The following SIPA1L1 variants were observed in gnomAD, a reference collection of about 807,000 sequenced individuals.
The protein encoded by SIPA1L1 is signal induced proliferation associated 1 like 1.
In SIPA1L1, 26 loss-of-function variants were observed where a neutral mutation model predicts 162.7. The ratio of observed to expected loss-of-function variants is 0.16; its 90% CI spans 0.12 to 0.22. SIPA1L1 has a LOEUF of 0.22. SIPA1L1 is among the 10% of genes least tolerant of loss of function. The pLI is 1.00. For missense variants in SIPA1L1, 1,874 were observed against 2,241.0 expected (o/e 0.84, Z 3.31); for synonymous variants, 829 against 837.4 (o/e 0.99, Z 0.17).
chr14:71,649,266 A>C lies in SIPA1L1; in HGVS notation c.1819-1069A>C, dbSNP rs1027394361. Among the ~76,000 whole-genome samples, 46 of 147,038 alleles carry C rather than the reference A, an allele frequency of 3.1e-4. 1 individual carries two copies. The highest frequency in any genetic ancestry group is 9.9e-4 in the African/African-American group (39 of 39,242). ...GGAGTATGTGGTACAGTCATGACTCACTGCAACATCAATCTCCCGGGCTCA... is the reference window on the plus strand; with the variant it reads ...GGAGTATGTGGTACAGTCATGACTCCCTGCAACATCAATCTCCCGGGCTCA... On this transcript the variant is annotated intron_variant, in intron 7 of 23. Transcript: ENST00000381232.
intron 8 of SIPA1L1, among the ~76,000 whole-genome samples, chr14:71,650,973 C>A (rs951012028): frequency 2.6e-5 from 4 of 151,802 alleles, no homozygotes; most frequent in African/African-American, 9.7e-5. Context: ...GTTTTTGTTT[C>A]TATTATTATT....
chr14:71,704,858 C>G, intron 15 of SIPA1L1: 1 of 958,052 alleles, frequency 1.0e-6, no homozygotes, highest in Admixed American at 1.9e-5. Flanking sequence ...GTAGACCAAG[C>G]TAGGTTAGCC....
intron 2 of SIPA1L1, among the ~76,000 whole-genome samples, chr14:71,323,345 C>T (rs1348079765): frequency 6.6e-6 from 1 of 151,956 alleles, no homozygotes; most frequent in Non-Finnish European, 1.5e-5. Flanking sequence ...TCTGTTTGAG[C>T]TGTGAAATGG....
At chr14:71,378,333 T>C (rs1401174243) in intron 2 of SIPA1L1, among the ~76,000 whole-genome samples, 2 of 152,188 alleles carry the variant, frequency 1.3e-5, no homozygotes, top group African/African-American at 2.4e-5. Context: ...TTATTTTCTT[T>C]TATTAAGCAT....
chr14:71,520,168 C>G (rs566933737), intron 3 of SIPA1L1, among the ~76,000 whole-genome samples: 1 of 151,928 alleles, frequency 6.6e-6, no homozygotes, highest in Admixed American at 6.6e-5. Context: ...TGATGAGGTA[C>G]CAGATATTTA....
At chr14:71,335,195 C>T (rs1660531057) in intron 2 of SIPA1L1, among the ~76,000 whole-genome samples, 1 of 152,088 alleles carries the variant, frequency 6.6e-6, no homozygotes, top group South Asian at 2.1e-4. Context: ...AGCTACTTGG[C>T]AGGCTGAGGT....
intron 7 of SIPA1L1, among the ~76,000 whole-genome samples, chr14:71,647,640 C>T (rs569414932): frequency 1.4e-4 from 21 of 152,108 alleles, no homozygotes; most frequent in Non-Finnish European, 2.5e-4. Context: ...TTTGTTCTCC[C>T]TGGAGGGAGA....
intron 7 of SIPA1L1, among the ~76,000 whole-genome samples, chr14:71,636,357 A>T (rs1439338507): frequency 6.6e-6 from 1 of 152,242 alleles, no homozygotes; most frequent in Non-Finnish European, 1.5e-5. Flanking sequence ...TTTTCTAATC[A>T]AACTGGAATC....
chr14:71,518,914 G>A (rs781214045), intron 3 of SIPA1L1, among the ~76,000 whole-genome samples: 1 of 152,040 alleles, frequency 6.6e-6, no homozygotes, highest in East Asian at 1.9e-4. Flanking sequence ...ACATGGCGGC[G>A]GCAAGAGAAA....
chr14:71,654,275 A>T (rs1327384055), intron 8 of SIPA1L1, among the ~76,000 whole-genome samples: 1 of 152,074 alleles, frequency 6.6e-6, no homozygotes, highest in Non-Finnish European at 1.5e-5. Context: ...TTAATAGGGG[A>T]TTTTTCCTTC....
At chr14:71,689,792 G>A (rs184524776) in intron 13 of SIPA1L1, among the ~76,000 whole-genome samples, 1 of 152,242 alleles carries the variant, frequency 6.6e-6, no homozygotes, top group Admixed American at 6.5e-5. Flanking sequence ...GAAGCTGGAT[G>A]GGGGGCCTTT....
At chr14:71,508,552 A>G (rs1427670729) in intron 2 of SIPA1L1, among the ~76,000 whole-genome samples, 1 of 152,238 alleles carries the variant, frequency 6.6e-6, no homozygotes, top group Non-Finnish European at 1.5e-5. Context: ...AGAACATGGT[A>G]TGTCCACTGG....
intron 5 of SIPA1L1, among the ~76,000 whole-genome samples, chr14:71,603,944 T>G (rs1212542703): frequency 2.1e-5 from 3 of 143,990 alleles, no homozygotes; most frequent in Non-Finnish European, 3.0e-5. Flanking sequence ...TATATATCTA[T>G]ATATATTTAT....
At chr14:71,358,654 C>G (rs1290541691) in intron 2 of SIPA1L1, among the ~76,000 whole-genome samples, 1 of 152,126 alleles carries the variant, frequency 6.6e-6, no homozygotes, top group Non-Finnish European at 1.5e-5. Flanking sequence ...TCAATTCTTG[C>G]ACTAGTATAA....
intron 10 of SIPA1L1, among the ~76,000 whole-genome samples, chr14:71,667,091 G>A (rs955112512): frequency 1.1e-4 from 17 of 152,032 alleles, no homozygotes; most frequent in African/African-American, 4.1e-4. Context: ...TGCAAGCATA[G>A]CTTACTGCAT....
At chr14:71,330,909 A>C (rs2034455751) in intron 2 of SIPA1L1, among the ~76,000 whole-genome samples, 2 of 152,224 alleles carry the variant, frequency 1.3e-5, no homozygotes, top group South Asian at 4.1e-4. Context: ...TGATGCACAA[A>C]AATTTTTTAG....
chr14:71,471,584 A>T (rs562173579), intron 2 of SIPA1L1, among the ~76,000 whole-genome samples: 15 of 152,332 alleles, frequency 9.8e-5, no homozygotes, highest in African/African-American at 3.6e-4. Flanking sequence ...CATTTTAAGG[A>T]CAGAAGACAG....
chr14:71,705,236 C>T lies in SIPA1L1; in HGVS notation c.3661C>T (p.Leu1221Phe). Reference sequence around the variant, plus strand: ...CTGTATTCCAGAGCCAACATGCCATCTCCCAGCAGTATCAAAGGTACTGCC... The same window carrying T: ...CTGTATTCCAGAGCCAACATGCCATTTCCCAGCAGTATCAAAGGTACTGCC... ...IADQMEPTCHLPAVSKVLPAF... is the reference protein window; with the variant it reads ...IADQMEPTCHFPAVSKVLPAF... The change falls in exon 16 of 24, where the codon CTC becomes TTC. Residue 1221 changes from leucine (L) to phenylalanine (F), a missense_variant. By Grantham distance (22) the Leu-to-Phe change is conservative (BLOSUM62 0). Coordinates refer to ENST00000381232, the MANE Select transcript of SIPA1L1 (RefSeq NM_001386936.1). 3.1e-6 allele frequency: 5 copies of T among 1,613,588 alleles called. No homozygotes were observed. The highest frequency in any genetic ancestry group is 4.2e-6 in the Non-Finnish European group (5 of 1,179,432).
At chr14:71,714,233 G>T (rs1039069257) in intron 17 of SIPA1L1, among the ~76,000 whole-genome samples, 2 of 152,192 alleles carry the variant, frequency 1.3e-5, no homozygotes, top group Non-Finnish European at 1.5e-5. Flanking sequence ...TCCAGAACCA[G>T]TTACTTTTAG....
Sources: allele counts gnomAD v4.1 joint callset (sites outside exome capture counted in the v4.1 genomes callset), GRCh38; gene constraint gnomAD v4.1.1; transcripts MANE v1.5; gene names NCBI Gene and HGNC (gene_info 2026-07-23, HGNC 2026-07-21).